Variants in GAS7 observed in about 807,000 individuals in gnomAD.
GAS7 encodes growth arrest specific 7.
In GAS7, 28 loss-of-function variants were observed where a neutral mutation model predicts 71.1. The ratio of observed to expected loss-of-function variants is 0.39; its 90% CI spans 0.29 to 0.54. The LOEUF (loss-of-function observed/expected upper bound fraction) is 0.54, where lower values mean the gene tolerates loss of function less well. Ranked by LOEUF, GAS7 falls within the 20% of genes least tolerant of loss-of-function variation. The pLI is 0.62. For missense variants in GAS7, 436 were observed against 627.8 expected, an observed-to-expected ratio of 0.69 and a Z score of 3.27; for synonymous variants, 258 against 245.8, an observed-to-expected ratio of 1.05 and a Z score of -0.46.
At chr17:10,094,909 T>C (rs961692377) in intron 1 of GAS7, among the ~76,000 whole-genome samples, 3 of 152,210 alleles carry the variant, frequency 2.0e-5, no homozygotes, top group African/African-American at 7.2e-5. Flanking sequence ...TTTAACAACC[T>C]TCTCACTGCC....
chr17:10,148,280 T>A (rs1212930804), intron 1 of GAS7, among the ~76,000 whole-genome samples: 1 of 152,080 alleles, frequency 6.6e-6, no homozygotes, highest in African/African-American at 2.4e-5. Flanking sequence ...TTCACCTGCA[T>A]CCCTTGGATA....
chr17:10,108,592 C>G (rs974781116), intron 1 of GAS7, among the ~76,000 whole-genome samples: 1 of 152,170 alleles, frequency 6.6e-6, no homozygotes. Flanking sequence ...AAAAATTGCA[C>G]TGCAGAGTAA....
intron 2 of GAS7, among the ~76,000 whole-genome samples, chr17:9,999,585 G>A (rs1349500620): frequency 6.6e-6 from 1 of 151,790 alleles, no homozygotes; most frequent in African/African-American, 2.4e-5. Flanking sequence ...GAAATAGAAA[G>A]AGGTGAGGCT....
Position 10,169,903 on chromosome 17 carries a change from C to T in GAS7, c.183+28305G>A, listed in dbSNP as rs113178204. On this transcript the variant is annotated intron_variant, in intron 1 of 13. Coordinates refer to ENST00000432992, the MANE Select transcript of GAS7 (RefSeq NM_201433.2). Reference sequence around the variant, plus strand: ...ACTCTTGATTTCCTCCCCAAACCTGCTGCTTCCGTTCCTCACCTTCTCATT... The same window carrying T: ...ACTCTTGATTTCCTCCCCAAACCTGTTGCTTCCGTTCCTCACCTTCTCATT... 8.3e-3 allele frequency among the ~76,000 whole-genome samples: 1,263 copies of T among 152,286 alleles called. 8 individuals carry two copies. Among genetic ancestry groups the T allele is most frequent in the Non-Finnish European group, 0.012 (841 of 68,026 alleles).
chr17:10,071,989 G>A (rs993980311), intron 1 of GAS7, among the ~76,000 whole-genome samples: 2 of 151,748 alleles, frequency 1.3e-5, no homozygotes, highest in East Asian at 1.9e-4. Flanking sequence ...GTTGTCTCTT[G>A]AAAAGTCAGG....
intron 2 of GAS7, among the ~76,000 whole-genome samples, chr17:9,993,957 G>T (rs2070939737): frequency 6.6e-6 from 1 of 151,568 alleles, no homozygotes; most frequent in Non-Finnish European, 1.5e-5. Context: ...AAAATACCTA[G>T]GAATCCAACT....
At position 10,153,208 on chromosome 17, in the gene GAS7, T is replaced by TCAAAAAAAAAACAAAGCAAAA. The variant is rs1182517985; in HGVS notation, c.183+44999_183+45000insTTTTGCTTTGTTTTTTTTTTG. On this transcript the variant is annotated intron_variant, in intron 1 of 13. Coordinates refer to ENST00000432992, the MANE Select transcript of GAS7 (RefSeq NM_201433.2). ...CCAGGTGACACGGCAAGCCTCCGTC[T>TCAAAAAAAAAACAAAGCAAAA]CAAAAAAAAAACACTGGGCGTGGTG... Among the ~76,000 whole-genome samples the TCAAAAAAAAAACAAAGCAAAA allele has an allele frequency of 1.3e-3, 19 of 14,728 alleles. 1 individual carries two copies. Among genetic ancestry groups the TCAAAAAAAAAACAAAGCAAAA allele is most frequent in the South Asian group, 5.6e-3 (2 of 360 alleles). The allele number at this position is 14,728 out of a possible 152,430, so 9.7% of individuals were successfully genotyped here.
chr17:10,125,525 TAAAAAAAAAAAGAA>T (rs908619242), intron 1 of GAS7, among the ~76,000 whole-genome samples: 6 of 58,696 alleles, frequency 1.0e-4, no homozygotes, highest in Non-Finnish European at 2.0e-4. Flanking sequence ...AACTCCATCT[TAAAAAAAAAAAGAA>T]AAAAAAAAAA....
At chr17:10,021,495 G>GT (rs1394730715) in intron 1 of GAS7, among the ~76,000 whole-genome samples, 1 of 152,218 alleles carries the variant, frequency 6.6e-6, no homozygotes, top group African/African-American at 2.4e-5. Flanking sequence ...TAGCTGCGGT[G>GT]TAAGTTTCAC....
intron 9 of GAS7, among the ~76,000 whole-genome samples, chr17:9,927,838 C>T (rs927326768): frequency 1.3e-5 from 2 of 152,148 alleles, no homozygotes; most frequent in African/African-American, 4.8e-5. Context: ...TGGAGACCTG[C>T]TGGAAACTCA....
intron 1 of GAS7, among the ~76,000 whole-genome samples, chr17:10,188,538 C>T (rs1449518356): frequency 2.0e-5 from 3 of 151,812 alleles, no homozygotes; most frequent in African/African-American, 4.8e-5. Context: ...TTTTTTTTTA[C>T]ATATTTCTGT....
At chr17:10,187,222 CCACACACTGGG>C (rs2074462111) in intron 1 of GAS7, among the ~76,000 whole-genome samples, 1 of 152,166 alleles carries the variant, frequency 6.6e-6, no homozygotes, top group Non-Finnish European at 1.5e-5. Context: ...CCTGAGCATT[CCACACACTGGG>C]CGTTCCATCA....
intron 1 of GAS7, among the ~76,000 whole-genome samples, chr17:10,194,145 G>A (rs2074522725): frequency 6.6e-6 from 1 of 152,214 alleles, no homozygotes. Flanking sequence ...AACCCAGAAA[G>A]AAAGGAAAAG....
Position 9,981,871 on chromosome 17 carries a change from T to C in GAS7, c.318A>G (p.Glu106=). 1 of 1,589,304 alleles carries C rather than the reference T, an allele frequency of 6.3e-7. No individual in the cohort carries two copies. Among genetic ancestry groups the C allele is most frequent in the South Asian group, 1.1e-5 (1 of 90,508 alleles). Residue 106 remains glutamate (E), a synonymous_variant, in exon 3 of 14, where the codon GAA becomes GAG. Transcript: ENST00000432992. The surrounding 1 kb of genome is among the most constrained non-coding windows in gnomAD (Gnocchi z 4.4). The part of the protein sequence containing the change: ...VNTTTNETTW[E]RPSSSPGIPA... Reference sequence around the variant, plus strand: ...GAATCCCAGGAGAACTGCTGGGACGTTCCCAGGTGGTCTCTGGTGAAAGAA... The same window carrying C: ...GAATCCCAGGAGAACTGCTGGGACGCTCCCAGGTGGTCTCTGGTGAAAGAA...
Position 10,157,196 on chromosome 17 carries a change from G to A in GAS7, c.183+41012C>T, listed in dbSNP as rs116306486. The stretch of plus-strand genomic sequence containing the variant: ...GGAAACACCCACGGCTTACAAACCC[G>A]CAGCAAACCCAGAGTCCTCAGCCTA... On this transcript the variant is annotated intron_variant, in intron 1 of 13. Coordinates refer to ENST00000432992, the MANE Select transcript of GAS7 (RefSeq NM_201433.2). Among the ~76,000 whole-genome samples the A allele has an allele frequency of 5.8e-3, 885 of 152,236 alleles. 7 individuals carry two copies. The highest frequency in any genetic ancestry group is 0.02 in the African/African-American group (836 of 41,530).
chr17:10,140,262 G>T (rs1343587250), intron 1 of GAS7, among the ~76,000 whole-genome samples: 2 of 152,168 alleles, frequency 1.3e-5, no homozygotes, highest in Non-Finnish European at 2.9e-5. Flanking sequence ...AGGAGATCAA[G>T]AGCAGCTTGT....
rs1181861562 is a variant in GAS7 at position 10,082,329 on chromosome 17, T to TAAA, written c.184-62433_184-62432insTTT. On this transcript the variant is annotated intron_variant, in intron 1 of 13. Coordinates refer to ENST00000432992, the MANE Select transcript of GAS7 (RefSeq NM_201433.2). ...AACACACAGGATTTTTAATGTCAAATAATGTGTTATTTCTGACTGACATGT... is the reference window on the plus strand; with the variant it reads ...AACACACAGGATTTTTAATGTCAAATAAAAATGTGTTATTTCTGACTGACATGT... Among the ~76,000 whole-genome samples, 12 of 152,194 alleles carry TAAA rather than the reference T, an allele frequency of 7.9e-5. 1 individual carries two copies. The highest frequency in any genetic ancestry group is 7.8e-4 in the Admixed American group (12 of 15,288).
At chr17:9,990,416 T>C (rs767008366) in intron 2 of GAS7, among the ~76,000 whole-genome samples, 2 of 152,326 alleles carry the variant, frequency 1.3e-5, no homozygotes, top group East Asian at 3.9e-4. Flanking sequence ...CAATGTCTGT[T>C]ACAACCTAGT....
intron 1 of GAS7, among the ~76,000 whole-genome samples, chr17:10,046,793 G>A (rs868337635): frequency 7.3e-4 from 45 of 61,946 alleles, no homozygotes; most frequent in African/African-American, 3.6e-3. Flanking sequence ...AGAAAGGAAG[G>A]AAGGAAGGAA....
Sources: allele counts gnomAD v4.1 joint callset (sites outside exome capture counted in the v4.1 genomes callset), GRCh38; gene constraint gnomAD v4.1.1; non-coding constraint Gnocchi (gnomAD v3.1); transcripts MANE v1.5; gene names NCBI Gene and HGNC (gene_info 2026-07-23, HGNC 2026-07-21).